TMEM98: variants seen among roughly 807,000 people sequenced by gnomAD.
The protein encoded by TMEM98 is transmembrane protein 98.
TMEM98 carries 18 observed loss-of-function variants against 25.0 expected under a neutral mutation model. That is an observed-to-expected ratio of 0.72 (90% CI 0.50 to 1.07). The LOEUF (loss-of-function observed/expected upper bound fraction) is 1.07, where lower values mean the gene tolerates loss of function less well. Ranked by LOEUF, TMEM98 falls within the 50% of genes least tolerant of loss-of-function variation. The probability of loss-of-function intolerance (pLI) is 0.00; values close to 1 mark genes in which losing one functional copy is unlikely to be tolerated. For synonymous variants in TMEM98, 103 were observed against 112.4 expected, an observed-to-expected ratio of 0.92 and a Z score of 0.53; for missense variants, 241 against 289.0, an observed-to-expected ratio of 0.83 and a Z score of 1.20.
At chr17:32,929,689 G>C (rs559291063) in intron 1 of TMEM98, among the ~76,000 whole-genome samples, 9 of 152,230 alleles carry the variant, frequency 5.9e-5, no homozygotes, top group African/African-American at 2.2e-4. Context: ...GTGAGCTCGA[G>C]ATGGGAGAGC....
chr17:32,939,434 G>A, intron 6 of TMEM98, 43 bp from the exon 7 acceptor site: 2 of 1,468,512 alleles, frequency 1.4e-6, no homozygotes, highest in South Asian at 2.3e-5. Flanking sequence ...GAGAAAAGGA[G>A]ATCAGGAAAG....
chr17:32,938,017 A>G (rs1314335090), intron 6 of TMEM98, among the ~76,000 whole-genome samples: 1 of 152,168 alleles, frequency 6.6e-6, no homozygotes, highest in African/African-American at 2.4e-5. Context: ...ACAAGGCAGC[A>G]CTTTCAGGAG....
chr17:32,943,077 C>T lies in TMEM98; in HGVS notation c.*2084C>T, dbSNP rs2091538689. ...CTGAAGCAATGCCCAATGTCGATTACCTTCTCTGAGTCCTGGCAAGTCCTG... is the reference window on the plus strand; with the variant it reads ...CTGAAGCAATGCCCAATGTCGATTATCTTCTCTGAGTCCTGGCAAGTCCTG... On this transcript the variant is annotated 3_prime_UTR_variant, in exon 8 of 8. Coordinates refer to ENST00000579849, the MANE Select transcript of TMEM98 (RefSeq NM_015544.3). 6.6e-6 allele frequency: 1 copy of T among 152,290 alleles called. No homozygotes were observed. The highest frequency in any genetic ancestry group is 6.5e-5 in the Admixed American group (1 of 15,272). The allele number at this position is 152,290 out of a possible 1,614,324, so 9.4% of individuals were successfully genotyped here. A position where few individuals can be genotyped will look rare whatever the true frequency, so the allele number is the denominator to read the frequency against.
Position 32,931,558 on chromosome 17 carries a change from T to C in TMEM98, c.30T>C (p.Gly10=), listed in dbSNP as rs531690352. 1.9e-6 allele frequency: 3 copies of C among 1,605,186 alleles called. No individual in the cohort carries two copies. Among genetic ancestry groups the C allele is most frequent in the Admixed American group, 1.7e-5 (1 of 59,108 alleles). The stretch of plus-strand genomic sequence containing the variant: ...AGACTGTGGTGATTGTTGCCATAGG[T>C]GTGCTGGCCACCATCTTTCTGGCTT... METVVIVAI[G]VLATIFLASF... is the part of the protein sequence containing the mutation. Residue 10 remains glycine, a synonymous_variant, in exon 3 of 8, where the codon GGT becomes GGC. Transcript: ENST00000579849.
At position 32,941,164 on chromosome 17, in the gene TMEM98, T is replaced by G. The variant is rs772819015; in HGVS notation, c.*171T>G. 1 of 600,688 alleles carries G rather than the reference T, an allele frequency of 1.7e-6. No homozygotes were observed. The highest frequency in any genetic ancestry group is 2.9e-6 in the Non-Finnish European group (1 of 349,812). 37.2% of individuals were successfully genotyped at this position (600,688 alleles called of 1,614,324 possible). ...CGTCAGTTTATGCCTCTTTTGCAGT[T>G]GCAAACTGTGGCTGGTGAGTGGCAG... On this transcript the variant is annotated 3_prime_UTR_variant, in exon 8 of 8. Transcript: ENST00000579849.
At position 32,942,755 on chromosome 17, in the gene TMEM98, C is replaced by G. The variant is rs191238932; in HGVS notation, c.*1762C>G. 2 of 152,338 alleles carry G rather than the reference C, an allele frequency of 1.3e-5. No individual in the cohort carries two copies. The highest frequency in any genetic ancestry group is 3.9e-4 in the East Asian group (2 of 5,186). The allele number at this position is 152,338 out of a possible 1,614,324, so 9.4% of individuals were successfully genotyped here. A position where few individuals can be genotyped will look rare whatever the true frequency, so the allele number is the denominator to read the frequency against. ...TAAGTGGTGAACTTTCCCGTCCTGT[C>G]AAGCTGTGAATGGGGAATGTATACA... On this transcript the variant is annotated 3_prime_UTR_variant, in exon 8 of 8. Transcript: ENST00000579849.
At chr17:32,934,712 GT>G (rs1322494341) in intron 5 of TMEM98, among the ~76,000 whole-genome samples, 2 of 152,142 alleles carry the variant, frequency 1.3e-5, no homozygotes, top group Non-Finnish European at 2.9e-5. Flanking sequence ...GGCCTGTATG[GT>G]GAGTTTCTTT....
intron 5 of TMEM98, among the ~76,000 whole-genome samples, chr17:32,935,523 G>A (rs1301309722): frequency 6.6e-6 from 1 of 152,062 alleles, no homozygotes; most frequent in African/African-American, 2.4e-5. Context: ...CTCCTCTTGG[G>A]ATCTTAAGAC....
intron 7 of TMEM98, among the ~76,000 whole-genome samples, chr17:32,940,104 T>C (rs2091520640): frequency 6.6e-6 from 1 of 152,248 alleles, no homozygotes; most frequent in Non-Finnish European, 1.5e-5. Flanking sequence ...ATGTAACAGT[T>C]GCCAGATCGG....
chr17:32,932,628 G>C (rs2091475938), intron 3 of TMEM98, among the ~76,000 whole-genome samples: 1 of 152,054 alleles, frequency 6.6e-6, no homozygotes, highest in Admixed American at 6.5e-5. Context: ...GAATGCCATG[G>C]TATCTCATTT....
Position 32,942,812 on chromosome 17 carries a change from C to G in TMEM98, c.*1819C>G, listed in dbSNP as rs1371781346. ...CTTTGACTTTTCTATTTGAGGCCTCCACAGTAAACATCCAGAGTCATCCTA... is the reference window on the plus strand; with the variant it reads ...CTTTGACTTTTCTATTTGAGGCCTCGACAGTAAACATCCAGAGTCATCCTA... On this transcript the variant is annotated 3_prime_UTR_variant, in exon 8 of 8. Coordinates refer to ENST00000579849, the MANE Select transcript of TMEM98 (RefSeq NM_015544.3). 1 of 152,214 alleles carries G rather than the reference C, an allele frequency of 6.6e-6. No individual in the cohort carries two copies. Among genetic ancestry groups the G allele is most frequent in the Non-Finnish European group, 1.5e-5 (1 of 68,032 alleles). The allele number at this position is 152,214 out of a possible 1,614,324, so 9.4% of individuals were successfully genotyped here. A position where few individuals can be genotyped will look rare whatever the true frequency, so the allele number is the denominator to read the frequency against.
At chr17:32,939,639 C>T (rs1276061615) in intron 7 of TMEM98, 103 bp downstream of exon 7, 3 of 1,431,174 alleles carry the variant, frequency 2.1e-6, no homozygotes, top group Non-Finnish European at 2.9e-6. Flanking sequence ...GGGAGGGTGG[C>T]TTTGCAGCCT....
intron 3 of TMEM98, 148 bp from the exon 4 acceptor site, chr17:32,933,026 A>T: frequency 1.7e-6 from 2 of 1,166,018 alleles, no homozygotes; most frequent in South Asian, 1.8e-5. Context: ...CAGCCCCACT[A>T]GGCTTAGGTT....
intron 7 of TMEM98, among the ~76,000 whole-genome samples, chr17:32,939,785 C>T (rs752881157): frequency 6.6e-6 from 1 of 152,210 alleles, no homozygotes; most frequent in Non-Finnish European, 1.5e-5. Flanking sequence ...GATTAGACTT[C>T]CGGCCATGTT....
At chr17:32,936,590 G>A in intron 6 of TMEM98, 143 bp downstream of exon 6, 2 of 697,866 alleles carry the variant, frequency 2.9e-6, no homozygotes, top group Non-Finnish European at 4.8e-6. Flanking sequence ...TTTACAGAGT[G>A]ACCAGGAGGG....
intron 3 of TMEM98, 21 bp downstream of exon 3, chr17:32,931,680 C>A: frequency 6.2e-7 from 1 of 1,601,244 alleles, no homozygotes. Flanking sequence ...CTATGGAGGG[C>A]AAGGAGGAGG....
At chr17:32,936,081 A>C (rs1342843336) in intron 5 of TMEM98, among the ~76,000 whole-genome samples, 2 of 152,172 alleles carry the variant, frequency 1.3e-5, no homozygotes, top group Non-Finnish European at 2.9e-5. Context: ...AGATTATTTC[A>C]GCTTAGGCTT....
intron 1 of TMEM98, among the ~76,000 whole-genome samples, chr17:32,929,081 AAC>A (rs577609466): frequency 7.3e-4 from 110 of 151,702 alleles, no homozygotes; most frequent in African/African-American, 1.2e-3. Context: ...TACTCTGAGA[AAC>A]ACAATCAGCT....
intron 6 of TMEM98, among the ~76,000 whole-genome samples, chr17:32,938,118 G>A (rs577411072): frequency 1.3e-5 from 2 of 152,176 alleles, no homozygotes; most frequent in Non-Finnish European, 2.9e-5. Flanking sequence ...ACCTGTTCTG[G>A]TGCTCACAGG....
Sources: allele counts gnomAD v4.1 joint callset (sites outside exome capture counted in the v4.1 genomes callset), GRCh38; gene constraint gnomAD v4.1.1; transcripts MANE v1.5; gene names NCBI Gene and HGNC (gene_info 2026-07-23, HGNC 2026-07-21).